Variants in ENDOD1 observed in about 807,000 individuals in gnomAD.
ENDOD1 encodes the protein endonuclease domain containing 1.
Under a neutral mutation model 6.5 loss-of-function variants are expected in ENDOD1, and 9 were observed. That is an observed-to-expected ratio of 1.39 (90% CI 0.84 to 2.43). The LOEUF (loss-of-function observed/expected upper bound fraction) is 2.43, where lower values mean the gene tolerates loss of function less well. ENDOD1 is among the 30% of genes most tolerant of loss of function. ENDOD1 has a pLI of 0.00. For synonymous variants in ENDOD1, 255 were observed against 255.2 expected (o/e 1.00, Z 0.01); for missense variants, 648 against 635.5 (o/e 1.02, Z -0.21).
Position 95,129,064 on chromosome 11 carries a change from A to G in ENDOD1, c.988A>G (p.Lys330Glu), listed in dbSNP as rs1565450119. 1.2e-6 allele frequency: 2 copies of G among 1,613,990 alleles called. No individual in the cohort carries two copies. Among genetic ancestry groups the G allele is most frequent in the Admixed American group, 1.7e-5 (1 of 60,004 alleles). The stretch of plus-strand genomic sequence containing the variant: ...TGAGGGAAGTAGTAGCTTTTTGGGA[A>G]AACTCATGGGCTTCATTGCTACCCC... ...ASEGSSSFLG[K>E]LMGFIATPFI... The change falls in exon 2 of 2, where the codon AAA becomes GAA. Residue 330 changes from lysine to glutamate, a missense_variant. Lys to Glu is a moderately conservative substitution (Grantham distance 56). Transcript: ENST00000278505.
At chr11:95,091,826 G>C (rs1858934447) in intron 1 of ENDOD1, among the ~76,000 whole-genome samples, 2 of 152,200 alleles carry the variant, frequency 1.3e-5, no homozygotes, top group African/African-American at 4.8e-5. Context: ...TGTAGTATCT[G>C]ATTAGAGCCA....
At position 95,128,444 on chromosome 11, in the gene ENDOD1, G is replaced by A. The variant is rs753722350; in HGVS notation, c.368G>A (p.Ser123Asn). Residue 123 changes from serine to asparagine, a missense_variant, in exon 2 of 2, where the codon AGC (serine) becomes AAC (asparagine). Physicochemically the swap from Ser to Asn is conservative, Grantham distance 46. Transcript: ENST00000278505. ...NEAEAITSVNSLGSKQALNTD... is the reference protein window; with the variant it reads ...NEAEAITSVNNLGSKQALNTD... ...GCAGAGGCCATCACCTCTGTGAACA[G>A]CCTGGGAAGCAAGCAAGCCTTGAAT... 5 of 1,614,080 alleles carry A rather than the reference G, an allele frequency of 3.1e-6. No individual in the cohort carries two copies. Among genetic ancestry groups the A allele is most frequent in the Non-Finnish European group, 4.2e-6 (5 of 1,180,036 alleles).
rs748910005 is a variant in ENDOD1, at chr11:95,130,897, A to T, written c.*1318A>T. 2.0e-5 allele frequency: 3 copies of T among 152,202 alleles called. No homozygotes were observed. Among genetic ancestry groups the T allele is most frequent in the Non-Finnish European group, 4.4e-5 (3 of 68,032 alleles). The allele number at this position is 152,202 out of a possible 1,614,324, so 9.4% of individuals were successfully genotyped here. ...CCACAATTGGGATGGAATCACCTGGATTTTTCTGAATGTTTTAAAGAATTG... is the reference window on the plus strand; with the variant it reads ...CCACAATTGGGATGGAATCACCTGGTTTTTTCTGAATGTTTTAAAGAATTG... On this transcript the variant is annotated 3_prime_UTR_variant, in exon 2 of 2. Transcript: ENST00000278505.
intron 1 of ENDOD1, among the ~76,000 whole-genome samples, chr11:95,108,346 C>A (rs896344936): frequency 6.6e-6 from 1 of 152,088 alleles, no homozygotes; most frequent in South Asian, 2.1e-4. Context: ...GCTGGAAATG[C>A]GTCCTTCTTC....
rs549520292 is a variant in ENDOD1, at chr11:95,125,155, T to C, written c.301-3222T>C. On this transcript the variant is annotated intron_variant, in intron 1 of 1. Coordinates refer to ENST00000278505, the MANE Select transcript of ENDOD1 (RefSeq NM_015036.3). Reference sequence around the variant, plus strand: ...CTCTTGGGCTAGAGACACTCCAGCATGCTCCCCCTATGCTCTGCCACAGGG... The same window carrying C: ...CTCTTGGGCTAGAGACACTCCAGCACGCTCCCCCTATGCTCTGCCACAGGG... 5.9e-5 allele frequency among the ~76,000 whole-genome samples: 9 copies of C among 152,278 alleles called. No homozygotes were observed. In the South Asian group the frequency reaches 1.9e-3, roughly 32 times the overall value.
At chr11:95,095,074 T>C (rs536348207) in intron 1 of ENDOD1, among the ~76,000 whole-genome samples, 1 of 151,250 alleles carries the variant, frequency 6.6e-6, no homozygotes, top group African/African-American at 2.5e-5. Context: ...CACACACAAA[T>C]GGAATGTTGG....
intron 1 of ENDOD1, among the ~76,000 whole-genome samples, chr11:95,123,588 CAAA>C (rs71930134): frequency 0.21 from 28,494 of 134,956 alleles, 2,908 homozygotes; most frequent in South Asian, 0.25. Flanking sequence ...GTATAAATAC[CAAA>C]AAAAAAAAAA....
At position 95,120,869 on chromosome 11, in the gene ENDOD1, GC is replaced by G. The variant is rs1482816989; in HGVS notation, c.301-7507del. Among the ~76,000 whole-genome samples the G allele has an allele frequency of 1.3e-4, 20 of 152,318 alleles. No individual in the cohort carries two copies. The East Asian group carries it at 3.3e-3, about 25-fold the overall frequency. On this transcript the variant is annotated intron_variant, in intron 1 of 1. Coordinates refer to ENST00000278505, the MANE Select transcript of ENDOD1 (RefSeq NM_015036.3). ...CACTGGGATTGGCAGCTTTTCTCTG[GC>G]TAGGGCTGGTTTAATGCTCTCCCTC...
In ENDOD1 at chr11:95,129,296, A is replaced by G; in HGVS notation, c.1220A>G (p.Lys407Arg). ...TGGAAGGTGCTCAAGGTCGTGGCCA[A>G]AGTCATCAGGGCTCTCCTCCGGATC... is the stretch of plus-strand genomic sequence containing the variant. Reference protein sequence around the residue: ...IPWKVLKVVAKVIRALLRILC... With the variant: ...IPWKVLKVVARVIRALLRILC... The change falls in exon 2 of 2, where the codon AAA (lysine) becomes AGA (arginine). Residue 407 changes from lysine to arginine, a missense_variant. Transcript: ENST00000278505. 7 of 1,614,172 alleles carry G rather than the reference A, an allele frequency of 4.3e-6. No homozygotes were observed. The highest frequency in any genetic ancestry group is 5.9e-6 in the Non-Finnish European group (7 of 1,180,032).
intron 1 of ENDOD1, among the ~76,000 whole-genome samples, chr11:95,103,138 T>TG (rs1555111097): frequency 1.3e-5 from 2 of 151,570 alleles, no homozygotes; most frequent in East Asian, 1.9e-4. Flanking sequence ...TGTGTGTGTG[T>TG]TTCCTCTCAG....
intron 1 of ENDOD1, among the ~76,000 whole-genome samples, chr11:95,128,039 C>A (rs542723971): frequency 6.6e-6 from 1 of 152,178 alleles, no homozygotes; most frequent in African/African-American, 2.4e-5. Flanking sequence ...GGATTATAGG[C>A]GTGAGCCACC....
chr11:95,099,986 C>G (rs1859022459), intron 1 of ENDOD1, among the ~76,000 whole-genome samples: 1 of 152,148 alleles, frequency 6.6e-6, no homozygotes, highest in South Asian at 2.1e-4. Flanking sequence ...TCGGGACACG[C>G]AGAAACACAG....
intron 1 of ENDOD1, among the ~76,000 whole-genome samples, chr11:95,097,154 C>CTAAAA (rs1565443579): frequency 7.1e-6 from 1 of 140,168 alleles, no homozygotes; most frequent in Non-Finnish European, 1.5e-5. Flanking sequence ...GACCCTGTTT[C>CTAAAA]AAAAAAAAAA....
At chr11:95,108,466 A>G (rs1859113385) in intron 1 of ENDOD1, among the ~76,000 whole-genome samples, 1 of 148,032 alleles carries the variant, frequency 6.8e-6, no homozygotes, top group Non-Finnish European at 1.5e-5. Context: ...CTTTCAGGAA[A>G]TGAAAAGCTC....
chr11:95,127,325 G>A (rs952004204), intron 1 of ENDOD1, among the ~76,000 whole-genome samples: 9 of 152,122 alleles, frequency 5.9e-5, no homozygotes, highest in Non-Finnish European at 1.0e-4. Context: ...TATAAAGAAA[G>A]CAGAACCAAG....
At chr11:95,110,144 C>T (rs981524272) in intron 1 of ENDOD1, among the ~76,000 whole-genome samples, 41 of 152,352 alleles carry the variant, frequency 2.7e-4, no homozygotes, top group Admixed American at 8.5e-4. Context: ...AAAGACATTC[C>T]GAATTTTCCC....
chr11:95,128,697 C>A lies in ENDOD1; in HGVS notation c.621C>A (p.Tyr207Ter), dbSNP rs1176999607. Residue 207 changes from tyrosine (Y) to a stop codon, truncating the protein, a stop_gained, in exon 2 of 2, where the codon TAC becomes TAA. Transcript: ENST00000278505. LOFTEE classifies it low-confidence loss of function (END_TRUNC). ...YILTGTVPSDYRVKDKVAVPE... is the reference protein window; with the variant it reads ...YILTGTVPSD ...TCACAGGCACAGTGCCCTCAGACTACAGAGTTAAAGACAAAGTGGCAGTCC... is the reference window on the plus strand; with the variant it reads ...TCACAGGCACAGTGCCCTCAGACTAAAGAGTTAAAGACAAAGTGGCAGTCC... 3.1e-6 allele frequency: 5 copies of A among 1,614,174 alleles called. No individual in the cohort carries two copies. Among genetic ancestry groups the A allele is most frequent in the Non-Finnish European group, 4.2e-6 (5 of 1,180,046 alleles).
In ENDOD1 at chr11:95,128,752, G is replaced by T. The variant is rs773138008; in HGVS notation, c.676G>T (p.Ala226Ser). Residue 226 changes from alanine to serine, a missense_variant, in exon 2 of 2, where the codon GCT becomes TCT. By Grantham distance (99) the Ala-to-Ser change is moderately conservative. Coordinates refer to ENST00000278505, the MANE Select transcript of ENDOD1 (RefSeq NM_015036.3). ...GTTTGTTTGGCTGGCAGCCTGTTGT[G>T]CTGTCCCTGGAGGAGGCTGGGCCAT... Reference protein sequence around the residue: ...PEFVWLAACCAVPGGGWAMGF... With the variant: ...PEFVWLAACCSVPGGGWAMGF... 8 of 1,614,082 alleles carry T rather than the reference G, an allele frequency of 5.0e-6. No homozygotes were observed. Among genetic ancestry groups the T allele is most frequent in the Non-Finnish European group, 6.8e-6 (8 of 1,180,050 alleles).
intron 1 of ENDOD1, among the ~76,000 whole-genome samples, chr11:95,125,069 TCTC>T (rs928856201): frequency 6.6e-6 from 1 of 152,130 alleles, no homozygotes; most frequent in Non-Finnish European, 1.5e-5. Flanking sequence ...AAGTCCCTCT[TCTC>T]TGCTCATTTT....
Sources: gnomAD v4.1 joint callset for allele counts (sites outside exome capture counted in the v4.1 genomes callset) on GRCh38, gnomAD v4.1.1 for gene constraint, MANE v1.5 for transcripts, NCBI Gene and HGNC (gene_info 2026-07-23, HGNC 2026-07-21) for gene names.